TMTC1: variants seen among roughly 807,000 people sequenced by gnomAD.
TMTC1 encodes the protein transmembrane O-mannosyltransferase targeting cadherins 1.
In TMTC1, 73 loss-of-function variants were observed where a neutral mutation model predicts 104.8. The ratio of observed to expected loss-of-function variants is 0.70; its 90% CI spans 0.58 to 0.85. The LOEUF (loss-of-function observed/expected upper bound fraction) is 0.85. Among genes scored for constraint, TMTC1 ranks in the 40% least tolerant of loss-of-function variants. The pLI is 0.00. For missense variants in TMTC1, 1,035 were observed against 1,096.1 expected (o/e 0.94, Z 0.79); for synonymous variants, 434 against 428.7 (o/e 1.01, Z -0.15).
At chr12:29,605,941 T>C (rs533718473) in intron 6 of TMTC1, among the ~76,000 whole-genome samples, 3 of 152,298 alleles carry the variant, frequency 2.0e-5, no homozygotes, top group South Asian at 2.1e-4. Context: ...TAGCTCCCAC[T>C]TATAAGTGAG....
intron 5 of TMTC1, among the ~76,000 whole-genome samples, chr12:29,643,871 A>ATT (rs1939099421): frequency 1.1e-5 from 1 of 94,436 alleles, no homozygotes; most frequent in Non-Finnish European, 1.9e-5. Flanking sequence ...ATATATTTTT[A>ATT]TATATAAATT....
intron 1 of TMTC1, among the ~76,000 whole-genome samples, chr12:29,781,586 G>C (rs1073921): frequency 0.011 from 1,688 of 152,282 alleles, 30 homozygotes; most frequent in African/African-American, 0.038. Context: ...CAGCACACTG[G>C]GAGGCTGAGG....
Position 29,572,233 on chromosome 12 carries a change from T to G in TMTC1, c.1419-15A>C. The G allele has an allele frequency of 1.3e-6, 2 of 1,576,154 alleles. No homozygotes were observed. Among genetic ancestry groups the G allele is most frequent in the South Asian group, 1.1e-5 (1 of 90,004 alleles). On this transcript the variant is annotated splice_polypyrimidine_tract_variant and intron_variant, in intron 8 of 17. Transcript: ENST00000539277. Reference sequence around the variant, plus strand: ...GAACTCCAGACCTAAAATGAATAAATTTTTAAAAAGAATTATTTGACAAAG... The same window carrying G: ...GAACTCCAGACCTAAAATGAATAAAGTTTTAAAAAGAATTATTTGACAAAG...
At chr12:29,777,177 C>T (rs1392598061) in intron 1 of TMTC1, among the ~76,000 whole-genome samples, 2 of 152,040 alleles carry the variant, frequency 1.3e-5, no homozygotes, top group African/African-American at 4.8e-5. Context: ...TCACTGAAAC[C>T]TCTGCCTCCC....
intron 5 of TMTC1, among the ~76,000 whole-genome samples, chr12:29,679,406 C>T (rs1272747850): frequency 1.3e-5 from 2 of 152,012 alleles, no homozygotes; most frequent in South Asian, 2.1e-4. Context: ...TCAGTAAACG[C>T]TATTATTTTG....
chr12:29,690,894 A>G (rs1376631831), intron 5 of TMTC1, among the ~76,000 whole-genome samples: 1 of 152,252 alleles, frequency 6.6e-6, no homozygotes, highest in African/African-American at 2.4e-5. Flanking sequence ...GGAAATTACG[A>G]CAGTAAAAGA....
At chr12:29,639,318 G>A (rs1022167074) in intron 5 of TMTC1, among the ~76,000 whole-genome samples, 2 of 152,190 alleles carry the variant, frequency 1.3e-5, no homozygotes, top group Non-Finnish European at 2.9e-5. Context: ...CAGAATTTAA[G>A]TAGGTGGAGA....
chr12:29,693,126 A>T (rs1315191155), intron 5 of TMTC1, among the ~76,000 whole-genome samples: 1 of 145,134 alleles, frequency 6.9e-6, no homozygotes, highest in Non-Finnish European at 1.5e-5. Flanking sequence ...TAATTGACAC[A>T]TAATAATTAT....
At chr12:29,716,918 G>T (rs1452811496) in intron 5 of TMTC1, among the ~76,000 whole-genome samples, 1 of 152,126 alleles carries the variant, frequency 6.6e-6, no homozygotes, top group African/African-American at 2.4e-5. Flanking sequence ...GGGAGGCTGA[G>T]GCAGGAGAAT....
At chr12:29,720,686 T>G (rs1041943825) in intron 5 of TMTC1, among the ~76,000 whole-genome samples, 1 of 151,928 alleles carries the variant, frequency 6.6e-6, no homozygotes, top group Non-Finnish European at 1.5e-5. Context: ...TAAGAAAATT[T>G]AACATGCTTC....
At chr12:29,573,145 A>G (rs370417055) in intron 8 of TMTC1, among the ~76,000 whole-genome samples, 2 of 152,130 alleles carry the variant, frequency 1.3e-5, no homozygotes, top group Admixed American at 6.6e-5. Flanking sequence ...AGGAAAACAC[A>G]TTCCAGATCT....
At chr12:29,516,313 T>C in intron 15 of TMTC1, 36 bp downstream of exon 15, 1 of 1,591,028 alleles carries the variant, frequency 6.3e-7, no homozygotes, top group South Asian at 1.1e-5. Context: ...GTTTAACCTA[T>C]GAATCCAAAG....
At chr12:29,654,369 GA>G (rs1308508517) in intron 5 of TMTC1, among the ~76,000 whole-genome samples, 2 of 152,030 alleles carry the variant, frequency 1.3e-5, no homozygotes, top group South Asian at 2.1e-4. Flanking sequence ...AGCCACCAGG[GA>G]AATATAGGTA....
intron 16 of TMTC1, among the ~76,000 whole-genome samples, chr12:29,513,236 A>C (rs563233773): frequency 2.0e-5 from 3 of 152,126 alleles, no homozygotes; most frequent in Non-Finnish European, 4.4e-5. Context: ...TTCTTATAGG[A>C]TTCTTGTGAA....
intron 5 of TMTC1, among the ~76,000 whole-genome samples, chr12:29,638,816 C>T (rs144052074): frequency 4.6e-5 from 7 of 152,196 alleles, no homozygotes; most frequent in Non-Finnish European, 7.3e-5. Flanking sequence ...GAACTCCTCC[C>T]GTTTCACCAC....
intron 5 of TMTC1, among the ~76,000 whole-genome samples, chr12:29,675,012 G>T (rs1205476308): frequency 6.6e-6 from 1 of 152,248 alleles, no homozygotes; most frequent in East Asian, 1.9e-4. Context: ...ACATATTACA[G>T]CAGTGTTGCT....
chr12:29,752,547 A>C (rs1423984194), intron 4 of TMTC1, among the ~76,000 whole-genome samples: 1 of 152,232 alleles, frequency 6.6e-6, no homozygotes, highest in African/African-American at 2.4e-5. Flanking sequence ...TTGCACAAGA[A>C]TATATGCACA....
At chr12:29,718,359 A>G (rs1480338478) in intron 5 of TMTC1, among the ~76,000 whole-genome samples, 5 of 152,232 alleles carry the variant, frequency 3.3e-5, no homozygotes, top group African/African-American at 1.2e-4. Flanking sequence ...GAAAAATTTA[A>G]AGACAGAATC....
chr12:29,745,809 T>C (rs1233035320), intron 5 of TMTC1, among the ~76,000 whole-genome samples: 1 of 152,170 alleles, frequency 6.6e-6, no homozygotes, highest in African/African-American at 2.4e-5. Flanking sequence ...AGTGTCATTA[T>C]ATAGTTCAGC....
Sources: allele counts gnomAD v4.1 joint callset (sites outside exome capture counted in the v4.1 genomes callset), GRCh38; gene constraint gnomAD v4.1.1; transcripts MANE v1.5; gene names NCBI Gene and HGNC (gene_info 2026-07-23, HGNC 2026-07-21).